Variants in MIR2052HG observed in about 807,000 individuals in gnomAD.
MIR2052HG encodes the protein MIR2052 host gene.
intron 2 of MIR2052HG, among the ~76,000 whole-genome samples, chr8:74,696,992 C>T (rs1412692601): frequency 6.6e-6 from 1 of 151,922 alleles, no homozygotes; most frequent in Non-Finnish European, 1.5e-5. Context: ...ATCATTATCA[C>T]CGTAACACCA....
chr8:74,677,794 T>C (rs1161916802), intron 2 of MIR2052HG, among the ~76,000 whole-genome samples: 1 of 151,962 alleles, frequency 6.6e-6, no homozygotes, highest in Non-Finnish European at 1.5e-5. Flanking sequence ...AGAAGAATAA[T>C]AGAATAAACC....
intron 2 of MIR2052HG, among the ~76,000 whole-genome samples, chr8:74,662,682 T>G (rs1248069040): frequency 6.6e-6 from 1 of 152,156 alleles, no homozygotes; most frequent in Non-Finnish European, 1.5e-5. Context: ...AAGTTAAGAA[T>G]TTTTCTGTTT....
In MIR2052HG at chr8:74,695,754, T is replaced by C. The variant is rs529264149; in HGVS notation, n.217-6625T>C. Among the ~76,000 whole-genome samples, 9 of 152,212 alleles carry C rather than the reference T, an allele frequency of 5.9e-5. No homozygotes were observed. The South Asian group carries it at 1.7e-3, about 28-fold the overall frequency. ...CTGATAAAAGTCATTATATAATCAC[T>C]AGTCTAACAGGAAAATATCACAATC... On this transcript the variant is annotated intron_variant and non_coding_transcript_variant, in intron 2 of 6. Coordinates refer to ENST00000523442, the Ensembl canonical transcript of MIR2052HG.
At chr8:74,729,722 A>G (rs1199117456) in intron 4 of MIR2052HG, among the ~76,000 whole-genome samples, 2 of 152,268 alleles carry the variant, frequency 1.3e-5, no homozygotes, top group Middle Eastern at 3.4e-3. Flanking sequence ...AAAAATCCCT[A>G]TTACTTAAGG....
intron 4 of MIR2052HG, among the ~76,000 whole-genome samples, chr8:74,716,285 G>A (rs1024636173): frequency 2.0e-5 from 3 of 152,190 alleles, no homozygotes; most frequent in African/African-American, 7.2e-5. Context: ...TTCCCAGAAT[G>A]GTGAAGAGTA....
chr8:74,683,273 A>T (rs1809144776), intron 2 of MIR2052HG, among the ~76,000 whole-genome samples: 1 of 152,182 alleles, frequency 6.6e-6, no homozygotes, highest in Non-Finnish European at 1.5e-5. Context: ...TTAAGAAAGA[A>T]TTGGGAATGA....
chr8:74,687,318 A>G (rs766377336), intron 2 of MIR2052HG, among the ~76,000 whole-genome samples: 21 of 152,186 alleles, frequency 1.4e-4, no homozygotes, highest in Admixed American at 1.2e-3. Context: ...AGGAACTACC[A>G]TATGATCCAG....
At chr8:74,663,192 A>G (rs932034396) in intron 2 of MIR2052HG, among the ~76,000 whole-genome samples, 4 of 152,148 alleles carry the variant, frequency 2.6e-5, no homozygotes, top group Non-Finnish European at 5.9e-5. Flanking sequence ...GTGAAAGTGA[A>G]CAGAAGATGT....
At chr8:74,668,424 A>T (rs1418307973) in intron 2 of MIR2052HG, among the ~76,000 whole-genome samples, 1 of 152,190 alleles carries the variant, frequency 6.6e-6, no homozygotes, top group African/African-American at 2.4e-5. Context: ...AAAACTTACC[A>T]GGAGCTGGTA....
Position 74,752,259 on chromosome 8 carries a change from G to C in MIR2052HG, n.372-182G>C, listed in dbSNP as rs184207107. Among the ~76,000 whole-genome samples the C allele has an allele frequency of 2.3e-3, 335 of 147,448 alleles. 1 individual carries two copies. The Middle Eastern group carries it at 0.024, about 11-fold the overall frequency. On this transcript the variant is annotated intron_variant and non_coding_transcript_variant, in intron 4 of 6. Coordinates refer to ENST00000523442, the Ensembl canonical transcript of MIR2052HG. Reference sequence around the variant, plus strand: ...ATCCCTCCACTTTATTCCAGCCTGGGTGACAGAGTGAGATCCTGTCTCAAA... The same window carrying C: ...ATCCCTCCACTTTATTCCAGCCTGGCTGACAGAGTGAGATCCTGTCTCAAA...
intron 2 of MIR2052HG, among the ~76,000 whole-genome samples, chr8:74,644,747 CGGGCA>C (rs1808674213): frequency 6.6e-6 from 1 of 151,764 alleles, no homozygotes; most frequent in South Asian, 2.1e-4. Flanking sequence ...ATAAATTAGC[CGGGCA>C]TGGTGGTGCA....
At chr8:74,674,119 G>A (rs956147376) in intron 2 of MIR2052HG, among the ~76,000 whole-genome samples, 4 of 142,476 alleles carry the variant, frequency 2.8e-5, no homozygotes, top group African/African-American at 5.6e-5. Flanking sequence ...GGTGTAGACC[G>A]GTTATACCAG....
At chr8:74,665,821 C>T (rs914333356) in intron 2 of MIR2052HG, among the ~76,000 whole-genome samples, 6 of 152,162 alleles carry the variant, frequency 3.9e-5, no homozygotes, top group Non-Finnish European at 8.8e-5. Flanking sequence ...GGGAGAGGGT[C>T]TTTCCCTTGC....
At chr8:74,632,722 C>T (rs530782646) in intron 2 of MIR2052HG, among the ~76,000 whole-genome samples, 5 of 152,278 alleles carry the variant, frequency 3.3e-5, no homozygotes, top group African/African-American at 1.2e-4. Flanking sequence ...CAGTGCTAGC[C>T]TTTCCCCATT....
At chr8:74,644,909 A>AATAAT (rs1478143944) in intron 2 of MIR2052HG, among the ~76,000 whole-genome samples, 2 of 152,066 alleles carry the variant, frequency 1.3e-5, no homozygotes, top group East Asian at 3.9e-4. Context: ...AATAAAATAA[A>AATAAT]ATAAAAAATA....
At chr8:74,723,463 G>C (rs545403727) in intron 4 of MIR2052HG, among the ~76,000 whole-genome samples, 3 of 152,248 alleles carry the variant, frequency 2.0e-5, no homozygotes, top group South Asian at 4.1e-4. Context: ...ACCTGAATTT[G>C]GCTGGTGTTT....
intron 2 of MIR2052HG, among the ~76,000 whole-genome samples, chr8:74,641,580 GA>G: frequency 6.6e-6 from 1 of 151,990 alleles, no homozygotes; most frequent in South Asian, 2.1e-4. Flanking sequence ...ACTGATTAGA[GA>G]AAAATAGAAT....
At chr8:74,744,960 A>G (rs759882078) in intron 4 of MIR2052HG, among the ~76,000 whole-genome samples, 25 of 152,164 alleles carry the variant, frequency 1.6e-4, no homozygotes, top group Non-Finnish European at 2.8e-4. Context: ...GAAAAGTTCA[A>G]TAGTTTACGA....
chr8:74,696,441 C>G (rs1384924453), intron 2 of MIR2052HG, among the ~76,000 whole-genome samples: 2 of 151,808 alleles, frequency 1.3e-5, no homozygotes, highest in Non-Finnish European at 2.9e-5. Context: ...AACTAAAACC[C>G]AAACCCAGCA....
Sources: allele counts gnomAD v4.1 joint callset (sites outside exome capture counted in the v4.1 genomes callset), GRCh38; gene constraint gnomAD v4.1.1; transcripts MANE v1.5; gene names NCBI Gene and HGNC (gene_info 2026-07-23, HGNC 2026-07-21).